CD44: variants seen among roughly 807,000 people sequenced by gnomAD.
CD44 encodes CD44 molecule (IN blood group).
Under a neutral mutation model 88.8 loss-of-function variants are expected in CD44, and 49 were observed. That is an observed-to-expected ratio of 0.55 (90% CI 0.44 to 0.70). The LOEUF (loss-of-function observed/expected upper bound fraction) is 0.70, where lower values mean the gene tolerates loss of function less well. Among genes scored for constraint, CD44 ranks in the 30% least tolerant of loss-of-function variants. The pLI is 0.00. For missense variants in CD44, 883 were observed against 913.8 expected, an observed-to-expected ratio of 0.97 and a Z score of 0.43; for synonymous variants, 325 against 312.3, an observed-to-expected ratio of 1.04 and a Z score of -0.43.
In CD44 at chr11:35,229,313, G is replaced by T; in HGVS notation, c.2209G>T (p.Asp737Tyr). 1.2e-6 allele frequency: 2 copies of T among 1,612,834 alleles called. No individual in the cohort carries two copies. Among genetic ancestry groups the T allele is most frequent in the Non-Finnish European group, 1.7e-6 (2 of 1,178,940 alleles). Residue 737 changes from aspartate to tyrosine, a missense_variant, in exon 18 of 18, where the codon GAC (aspartate) becomes TAC (tyrosine). By Grantham distance (160) the Asp-to-Tyr change is radical. Transcript: ENST00000428726. ...TGAGACAAGGAACCTGCAGAATGTG[G>T]ACATGAAGATTGGGGTGTAACACCT... ...ADETRNLQNV[D>Y]MKIGV
intron 1 of CD44, among the ~76,000 whole-genome samples, chr11:35,166,819 T>A (rs1943327799): frequency 6.6e-6 from 1 of 152,244 alleles, no homozygotes; most frequent in Non-Finnish European, 1.5e-5. Flanking sequence ...TAAACCCTCA[T>A]CTGCCTCCAG....
intron 14 of CD44, chr11:35,213,484 C>T (rs1330305628): frequency 6.6e-6 from 1 of 152,208 alleles, no homozygotes; most frequent in African/African-American, 2.4e-5. Flanking sequence ...AACCTCGTCT[C>T]TACTAAAAAT....
At chr11:35,224,883 C>T (rs1040616947) in intron 17 of CD44, among the ~76,000 whole-genome samples, 7 of 152,154 alleles carry the variant, frequency 4.6e-5, no homozygotes, top group African/African-American at 1.7e-4. Flanking sequence ...TCTATAAACC[C>T]CAGCAGGCAG....
intron 1 of CD44, among the ~76,000 whole-genome samples, chr11:35,169,409 C>T (rs1943636752): frequency 8.8e-6 from 1 of 114,088 alleles, no homozygotes; most frequent in Non-Finnish European, 1.8e-5. Context: ...TGTTGCCCTA[C>T]CTAAACACAC....
chr11:35,186,170 T>C (rs927663202), intron 3 of CD44, among the ~76,000 whole-genome samples: 8 of 152,206 alleles, frequency 5.3e-5, no homozygotes, highest in African/African-American at 1.9e-4. Flanking sequence ...TGAGAAGCAG[T>C]CTATACAGAG....
chr11:35,215,617 C>T (rs183534373), intron 15 of CD44, among the ~76,000 whole-genome samples: 11 of 152,252 alleles, frequency 7.2e-5, no homozygotes, highest in Admixed American at 7.2e-4. Flanking sequence ...GGCACGGTGG[C>T]TCACACCTGT....
chr11:35,168,641 C>T (rs541126272), intron 1 of CD44, among the ~76,000 whole-genome samples: 67 of 152,326 alleles, frequency 4.4e-4, no homozygotes, highest in African/African-American at 1.5e-3. Context: ...AATTCTGCCT[C>T]ATCCCTCCTG....
In CD44 at chr11:35,226,123, C is replaced by T. The variant is rs180919646; in HGVS notation, c.2025-3006C>T. Among the ~76,000 whole-genome samples, 13 of 152,354 alleles carry T rather than the reference C, an allele frequency of 8.5e-5. No individual in the cohort carries two copies. In the East Asian group the frequency reaches 2.3e-3, roughly 27 times the overall value. On this transcript the variant is annotated intron_variant, in intron 17 of 17. Transcript: ENST00000428726. ...TATTTATGAGAATCATCCTACCCTCCTGAAACTACTCAGACAGATAGAAAC... is the reference window on the plus strand; with the variant it reads ...TATTTATGAGAATCATCCTACCCTCTTGAAACTACTCAGACAGATAGAAAC...
rs920743223 is a variant in CD44, at chr11:35,198,214, T to C, written c.890T>C (p.Ile297Thr). 5 of 1,613,846 alleles carry C rather than the reference T, an allele frequency of 3.1e-6. No homozygotes were observed. In the African/African-American group the frequency reaches 6.7e-5, roughly 22 times the overall value. ...CACCTCAGTTTTTCTGGATCAGGCATTGATGATGATGAAGATTTTATCTCC... is the reference window on the plus strand; with the variant it reads ...CACCTCAGTTTTTCTGGATCAGGCACTGATGATGATGAAGATTTTATCTCC... ...DRHLSFSGSG[I>T]DDDEDFISST... Residue 297 changes from isoleucine (I) to threonine (T), a missense_variant, in exon 7 of 18, where the codon ATT becomes ACT. This residue lies in a region of CD44 where 631 missense variants were observed against 590.9 expected (regional missense o/e 1.07). Coordinates refer to ENST00000428726, the MANE Select transcript of CD44 (RefSeq NM_000610.4).
At chr11:35,222,930 C>A in intron 17 of CD44, 2 of 985,374 alleles carry the variant, frequency 2.0e-6, no homozygotes, top group Non-Finnish European at 2.4e-6. Flanking sequence ...ATTATGGACT[C>A]CTTACTGGTT....
rs201610565 is a variant in CD44, at chr11:35,176,039, A to ATT, written c.68-516_68-515dup. On this transcript the variant is annotated intron_variant, in intron 1 of 17. Transcript: ENST00000428726. ...GCCACCACACCTGACTAATTTTTGTATTTTTTTTTTTTTTTTTTTTTGAAA... is the reference window on the plus strand; with the variant it reads ...GCCACCACACCTGACTAATTTTTGTATTTTTTTTTTTTTTTTTTTTTTTGAAA... 5.6e-4 allele frequency among the ~76,000 whole-genome samples: 57 copies of ATT among 102,242 alleles called. 1 individual carries two copies. Among genetic ancestry groups the ATT allele is most frequent in the South Asian group, 3.4e-3 (10 of 2,970 alleles). The allele number at this position is 102,242 out of a possible 152,430, so 67.1% of individuals were successfully genotyped here.
At chr11:35,221,183 G>A (rs553778266) in intron 16 of CD44, among the ~76,000 whole-genome samples, 1 of 152,184 alleles carries the variant, frequency 6.6e-6, no homozygotes, top group East Asian at 1.9e-4. Flanking sequence ...TCCTCATATT[G>A]TAGTGCGTAA....
chr11:35,209,421 T>C (rs724473), intron 12 of CD44, among the ~76,000 whole-genome samples: 16,050 of 152,236 alleles, frequency 0.11, 1,025 homozygotes, highest in Admixed American at 0.16. Flanking sequence ...TAATGACCTT[T>C]ACAAGGTAGC....
rs1480591284 is a variant in CD44, at chr11:35,228,999, A to T, written c.2025-130A>T. 2.1e-5 allele frequency: 16 copies of T among 750,502 alleles called. No homozygotes were observed. The East Asian group carries it at 4.1e-4, about 19-fold the overall frequency. 46.5% of individuals were successfully genotyped at this position (750,502 alleles called of 1,614,324 possible). A position where few individuals can be genotyped will look rare whatever the true frequency, so the allele number is the denominator to read the frequency against. On this transcript the variant is annotated intron_variant, in intron 17 of 17. Transcript: ENST00000428726. ...TGTTAAAGTAGAGAAAACCCCTAGC[A>T]CAGTGCTTGGCACACACTAAAGCCA...
At chr11:35,168,312 G>A (rs549615894) in intron 1 of CD44, among the ~76,000 whole-genome samples, 74 of 152,286 alleles carry the variant, frequency 4.9e-4, no homozygotes, top group Non-Finnish European at 8.7e-4. Context: ...CAGCCAGATT[G>A]CCCAGTCTGA....
rs889382794 is a variant in CD44 at position 35,230,650 on chromosome 11, T to C, written c.*1317T>C. ...CAAAAGGTTAAAGGGATTCCCATCA[T>C]TGGAATCTTATCACCAGATAGGCAA... On this transcript the variant is annotated 3_prime_UTR_variant, in exon 18 of 18. Coordinates refer to ENST00000428726, the MANE Select transcript of CD44 (RefSeq NM_000610.4). 6.6e-6 allele frequency: 1 copy of C among 152,190 alleles called. No individual in the cohort carries two copies. Among genetic ancestry groups the C allele is most frequent in the Non-Finnish European group, 1.5e-5 (1 of 68,026 alleles). The allele number at this position is 152,190 out of a possible 1,614,324, so 9.4% of individuals were successfully genotyped here. A position where few individuals can be genotyped will look rare whatever the true frequency, so the allele number is the denominator to read the frequency against.
intron 4 of CD44, among the ~76,000 whole-genome samples, chr11:35,188,928 A>C (rs1228402999): frequency 6.6e-6 from 1 of 151,170 alleles, no homozygotes; most frequent in African/African-American, 2.4e-5. Context: ...ACAGAGTGAG[A>C]CTCCATCTCG....
At chr11:35,202,981 T>C (rs141445162) in intron 9 of CD44, among the ~76,000 whole-genome samples, 17 of 152,320 alleles carry the variant, frequency 1.1e-4, no homozygotes, top group South Asian at 2.1e-4. Context: ...TTGGAAATAA[T>C]GAGCCTATTG....
intron 15 of CD44, among the ~76,000 whole-genome samples, chr11:35,216,336 T>A (rs1047455587): frequency 1.3e-5 from 2 of 152,290 alleles, no homozygotes; most frequent in East Asian, 3.9e-4. Flanking sequence ...ACATCATAAA[T>A]CCAGGTGACC....
Sources: allele counts gnomAD v4.1 joint callset (sites outside exome capture counted in the v4.1 genomes callset), GRCh38; gene constraint gnomAD v4.1.1; regional missense constraint gnomAD v4.1.1; transcripts MANE v1.5; gene names NCBI Gene and HGNC (gene_info 2026-07-23, HGNC 2026-07-21).